UGGT2: variants seen among roughly 807,000 people sequenced by gnomAD.
UGGT2 encodes UDP-glucose glycoprotein glucosyltransferase 2.
A neutral mutation model predicts 192.1 loss-of-function variants in UGGT2; 180 were observed. The observed-to-expected ratio is 0.94, with a 90% CI of 0.83 to 1.06. The LOEUF (loss-of-function observed/expected upper bound fraction) is 1.06, where lower values mean the gene tolerates loss of function less well. Ranked by LOEUF, UGGT2 falls within the 50% of genes least tolerant of loss-of-function variation. The pLI is 0.00. For missense variants in UGGT2, 1,849 were observed against 1,795.7 expected, an observed-to-expected ratio of 1.03 and a Z score of -0.54; for synonymous variants, 580 against 591.0, an observed-to-expected ratio of 0.98 and a Z score of 0.27.
intron 36 of UGGT2, among the ~76,000 whole-genome samples, chr13:95,850,211 C>T (rs554855063): frequency 6.6e-6 from 1 of 152,246 alleles, no homozygotes; most frequent in African/African-American, 2.4e-5. Context: ...GGCTACCTTT[C>T]TTTCTGTACA....
intron 16 of UGGT2, 82 bp downstream of exon 16, chr13:95,939,875 A>G: frequency 8.4e-7 from 1 of 1,186,970 alleles, no homozygotes; most frequent in Non-Finnish European, 1.2e-6. Context: ...ACTTTTTTTA[A>G]AGATTCTACA....
At chr13:95,924,393 CTTTTTTTTTTTTTTTTTTTTTTT>C (rs59757283) in intron 20 of UGGT2, among the ~76,000 whole-genome samples, 3 of 63,320 alleles carry the variant, frequency 4.7e-5, no homozygotes, top group Non-Finnish European at 9.5e-5. Context: ...TCCCAAACAG[CTTTTTTTTTTTTTTTTTTTTTTT>C]TTTTTTTTGA....
chr13:95,877,782 T>C lies in UGGT2; in HGVS notation c.3303A>G (p.Thr1101=), dbSNP rs766199197. 9 of 1,613,976 alleles carry C rather than the reference T, an allele frequency of 5.6e-6. No individual in the cohort carries two copies. The highest frequency in any genetic ancestry group is 2.2e-5 in the East Asian group (1 of 44,848). ...LLEGQCFDKV[T]EQPPRGLQFT... ...ACTGCAGACCCCGAGGAGGCTGTTC[T>C]GTCACTTTATCAAAGCATTGTCCTT... The change falls in exon 28 of 39, where the codon ACA becomes ACG. Residue 1101 remains threonine, a synonymous_variant. Transcript: ENST00000376747.
intron 31 of UGGT2, among the ~76,000 whole-genome samples, chr13:95,862,370 T>C (rs1013368529): frequency 1.3e-5 from 2 of 152,332 alleles, no homozygotes; most frequent in East Asian, 1.9e-4. Flanking sequence ...ATAGCTCACA[T>C]TGGGTTCAAA....
intron 38 of UGGT2, among the ~76,000 whole-genome samples, chr13:95,826,575 C>T (rs1482722267): frequency 1.3e-5 from 2 of 151,838 alleles, no homozygotes; most frequent in African/African-American, 4.8e-5. Flanking sequence ...CAAGCAACCA[C>T]CAGTAAGAAG....
At chr13:95,833,197 G>A (rs2139883473) in intron 37 of UGGT2, 144 bp from the exon 38 acceptor site, 1 of 804,658 alleles carries the variant, frequency 1.2e-6, no homozygotes, top group Non-Finnish European at 1.9e-6. Flanking sequence ...CACAGGATCA[G>A]GTGAAATGAT....
At chr13:95,949,270 A>G in intron 13 of UGGT2, 65 bp downstream of exon 13, 2 of 1,333,308 alleles carry the variant, frequency 1.5e-6, no homozygotes, top group Non-Finnish European at 2.0e-6. Flanking sequence ...TGACAGAAGG[A>G]TAATCCAGAA....
At chr13:95,939,889 G>T in intron 16 of UGGT2, 68 bp downstream of exon 16, 1 of 1,262,762 alleles carries the variant, frequency 7.9e-7, no homozygotes, top group Non-Finnish European at 1.1e-6. Context: ...TTCTACATGA[G>T]TAGAGATCAT....
chr13:95,959,192 G>A (rs1229339231), intron 12 of UGGT2, among the ~76,000 whole-genome samples: 1 of 152,214 alleles, frequency 6.6e-6, no homozygotes, highest in East Asian at 1.9e-4. Flanking sequence ...CCCCAGCAGA[G>A]GGACAATCAC....
intron 12 of UGGT2, among the ~76,000 whole-genome samples, chr13:95,959,914 G>T (rs1238774552): frequency 6.6e-6 from 1 of 152,112 alleles, no homozygotes; most frequent in Non-Finnish European, 1.5e-5. Flanking sequence ...GGCCCAACTG[G>T]TGTCCCACAT....
chr13:95,897,415 G>A (rs151164984), intron 22 of UGGT2, among the ~76,000 whole-genome samples: 1 of 152,170 alleles, frequency 6.6e-6, no homozygotes, highest in African/African-American at 2.4e-5. Context: ...GGCATTATTT[G>A]TGGCATTAAT....
intron 38 of UGGT2, among the ~76,000 whole-genome samples, chr13:95,830,730 A>G (rs780579752): frequency 7.2e-5 from 11 of 152,288 alleles, no homozygotes; most frequent in Non-Finnish European, 1.2e-4. Flanking sequence ...CGATTCCTCA[A>G]GGATCTAAAA....
chr13:95,914,042 T>C (rs947107455), intron 20 of UGGT2, among the ~76,000 whole-genome samples: 5 of 151,786 alleles, frequency 3.3e-5, no homozygotes, highest in East Asian at 3.9e-4. Context: ...ATGAGATCAA[T>C]TGGACACAGG....
At chr13:95,824,449 T>C (rs891669087) in intron 38 of UGGT2, among the ~76,000 whole-genome samples, 1 of 152,000 alleles carries the variant, frequency 6.6e-6, no homozygotes, top group African/African-American at 2.4e-5. Context: ...TTGGATGTTT[T>C]ACATAATCCC....
At chr13:95,830,786 C>T (rs979807869) in intron 38 of UGGT2, among the ~76,000 whole-genome samples, 28 of 152,050 alleles carry the variant, frequency 1.8e-4, no homozygotes, top group South Asian at 4.2e-4. Context: ...GGGTATATAC[C>T]CAAAGGATTA....
intron 4 of UGGT2, among the ~76,000 whole-genome samples, chr13:96,017,392 G>A (rs186600856): frequency 5.9e-5 from 9 of 152,238 alleles, no homozygotes; most frequent in Non-Finnish European, 1.3e-4. Flanking sequence ...ACTATGTGAC[G>A]TGCCTGTTCC....
intron 7 of UGGT2, among the ~76,000 whole-genome samples, chr13:95,994,358 A>T (rs2051551456): frequency 6.6e-6 from 1 of 151,930 alleles, no homozygotes; most frequent in African/African-American, 2.4e-5. Context: ...AAAAAACAGT[A>T]AAAATAACAC....
intron 23 of UGGT2, among the ~76,000 whole-genome samples, chr13:95,894,958 G>A (rs1327992290): frequency 6.6e-6 from 1 of 152,090 alleles, no homozygotes; most frequent in Admixed American, 6.6e-5. Flanking sequence ...GGATGGGTAA[G>A]AAACAAGGAG....
chr13:96,052,342 TAA>T (rs1174410847), intron 1 of UGGT2, among the ~76,000 whole-genome samples: 3 of 151,938 alleles, frequency 2.0e-5, no homozygotes, highest in Non-Finnish European at 4.4e-5. Context: ...GAGTGAGGGA[TAA>T]AAGACTACAA....
Sources: gnomAD v4.1 joint callset for allele counts (sites outside exome capture counted in the v4.1 genomes callset) on GRCh38, gnomAD v4.1.1 for gene constraint, MANE v1.5 for transcripts, NCBI Gene and HGNC (gene_info 2026-07-23, HGNC 2026-07-21) for gene names.